The following TBATA variants were observed in gnomAD, a reference collection of about 807,000 sequenced individuals.
TBATA encodes thymus, brain and testes associated, also known as protein TBATA.
Under a neutral mutation model 38.7 loss-of-function variants are expected in TBATA, and 47 were observed. The observed-to-expected ratio is 1.21, with a 90% CI of 0.96 to 1.55. The LOEUF (loss-of-function observed/expected upper bound fraction) is 1.55, where lower values mean the gene tolerates loss of function less well. TBATA is among the 40% of genes most tolerant of loss of function. TBATA has a pLI of 0.00. For synonymous variants in TBATA, 183 were observed against 170.5 expected (o/e 1.07, Z -0.57); for missense variants, 436 against 435.6 (o/e 1.00, Z -0.01).
At chr10:70,779,109 C>T (rs768013529) in intron 5 of TBATA, among the ~76,000 whole-genome samples, 71 of 152,206 alleles carry the variant, frequency 4.7e-4, no homozygotes, top group Non-Finnish European at 9.3e-4. Flanking sequence ...ACTGGCAGCC[C>T]CAGCCCCTTC....
At position 70,775,042 on chromosome 10, in the gene TBATA, T is replaced by C. The variant is rs138667219; in HGVS notation, c.775+147A>G. The C allele has an allele frequency of 1.1e-5, 7 of 640,206 alleles. No individual in the cohort carries two copies. In the East Asian group the frequency reaches 1.1e-4, roughly 10 times the overall value. The allele number at this position is 640,206 out of a possible 1,614,324, so 39.7% of individuals were successfully genotyped here. A position where few individuals can be genotyped will look rare whatever the true frequency, so the allele number is the denominator to read the frequency against. ...TGCTGTCCAGCTGGGAAGGGTTAGT[T>C]TGGGGCTCCAAAGTGGAGGAGAGGC... On this transcript the variant is annotated intron_variant, in intron 8 of 10. Coordinates refer to ENST00000456372, the MANE Select transcript of TBATA (RefSeq NM_001318241.2).
intron 7 of TBATA, chr10:70,776,407 A>G (rs1419959743): frequency 2.2e-6 from 1 of 456,288 alleles, no homozygotes; most frequent in South Asian, 1.5e-5. Context: ...AAAGCACCTT[A>G]GTCCTGGCTA....
chr10:70,783,752 G>A (rs917625839), intron 2 of TBATA, among the ~76,000 whole-genome samples: 1 of 152,156 alleles, frequency 6.6e-6, no homozygotes, highest in Non-Finnish European at 1.5e-5. Context: ...CAGACAATGG[G>A]ATACTTTATT....
At chr10:70,772,906 T>C (rs998222486) in intron 9 of TBATA, among the ~76,000 whole-genome samples, 3 of 152,184 alleles carry the variant, frequency 2.0e-5, no homozygotes, top group Admixed American at 1.3e-4. Context: ...GCTCCACTGG[T>C]TTCCTTGTGG....
At chr10:70,782,448 T>G in intron 3 of TBATA, 1 of 1,293,982 alleles carries the variant, frequency 7.7e-7, no homozygotes, top group African/African-American at 1.5e-5. Flanking sequence ...CAAGCCAGAC[T>G]GTGGACAGCC....
Position 70,783,482 on chromosome 10 carries a change from G to A in TBATA, c.-103C>T. On this transcript the variant is annotated 5_prime_UTR_variant, in exon 3 of 11. Transcript: ENST00000456372. Reference sequence around the variant, plus strand: ...TACTAGTGTTGAGGATGCAGAACAGGAACTCTCACGAACTGGTGGTGGAAG... The same window carrying A: ...TACTAGTGTTGAGGATGCAGAACAGAAACTCTCACGAACTGGTGGTGGAAG... 1.6e-6 allele frequency: 2 copies of A among 1,281,522 alleles called. No individual in the cohort carries two copies. Among genetic ancestry groups the A allele is most frequent in the Non-Finnish European group, 1.1e-6 (1 of 890,212 alleles). The allele number at this position is 1,281,522 out of a possible 1,614,324, so 79.4% of individuals were successfully genotyped here. A position where few individuals can be genotyped will look rare whatever the true frequency, so the allele number is the denominator to read the frequency against.
intron 7 of TBATA, 92 bp downstream of exon 7, chr10:70,777,061 C>T: frequency 7.3e-7 from 1 of 1,373,656 alleles, no homozygotes; most frequent in Non-Finnish European, 9.8e-7. Flanking sequence ...GTCCTAGGCA[C>T]CAGTATCCCT....
intron 9 of TBATA, among the ~76,000 whole-genome samples, chr10:70,773,130 T>C (rs892527564): frequency 4.6e-5 from 7 of 152,150 alleles, no homozygotes; most frequent in Non-Finnish European, 7.3e-5. Context: ...AAGGTCACAG[T>C]GAAGCCTGTC....
chr10:70,779,534 G>A, intron 5 of TBATA, 59 bp downstream of exon 5: 1 of 1,422,172 alleles, frequency 7.0e-7, no homozygotes. Flanking sequence ...CCCAAGTGAG[G>A]CAGCCTTGGG....
intron 3 of TBATA, chr10:70,782,540 C>T (rs1844377100): frequency 1.6e-6 from 2 of 1,260,686 alleles, no homozygotes; most frequent in Non-Finnish European, 2.1e-6. Context: ...GAGGCCAGAG[C>T]TGGAGCTTAG....
intron 5 of TBATA, among the ~76,000 whole-genome samples, chr10:70,779,152 G>T (rs1454405599): frequency 6.6e-6 from 1 of 152,186 alleles, no homozygotes; most frequent in East Asian, 1.9e-4. Flanking sequence ...CACCAAACTG[G>T]CTTCCAGCAC....
At chr10:70,776,208 C>A in intron 7 of TBATA, 1 of 368,552 alleles carries the variant, frequency 2.7e-6, no homozygotes, top group Non-Finnish European at 5.6e-6. Context: ...TGGGCTGGGC[C>A]TCTCCCCAGG....
intron 3 of TBATA, chr10:70,782,333 A>G: frequency 2.1e-6 from 3 of 1,425,498 alleles, no homozygotes; most frequent in Non-Finnish European, 2.8e-6. Flanking sequence ...TGAAACCAGA[A>G]AGAGAAGCTG....
intron 6 of TBATA, among the ~76,000 whole-genome samples, chr10:70,778,180 C>T (rs1043888385): frequency 2.6e-5 from 4 of 152,146 alleles, no homozygotes; most frequent in Non-Finnish European, 4.4e-5. Flanking sequence ...ACAAGCTGCT[C>T]CTCCCCACAT....
At chr10:70,780,874 C>T (rs1006837390) in intron 4 of TBATA, among the ~76,000 whole-genome samples, 1 of 152,202 alleles carries the variant, frequency 6.6e-6, no homozygotes, top group Admixed American at 6.5e-5. Context: ...TCACATATCT[C>T]CAGCATAGAG....
At chr10:70,777,396 G>A (rs1315194934) in intron 6 of TBATA, 58 bp from the exon 7 acceptor site, 48 of 1,500,654 alleles carry the variant, frequency 3.2e-5, no homozygotes, top group Middle Eastern at 2.1e-4. Flanking sequence ...GAAGAGGGCT[G>A]AGGGGAGGAG....
chr10:70,777,864 C>T (rs67979347), intron 6 of TBATA: 36,536 of 441,894 alleles, frequency 0.083, 1,928 homozygotes, highest in African/African-American at 0.18. Context: ...TATCCTTCCC[C>T]CCATTTTAAA....
At chr10:70,775,309 A>G (rs10823619) in intron 7 of TBATA, 39 bp from the exon 8 acceptor site, 205,824 of 1,573,884 alleles carry the variant, frequency 0.13, 14,330 homozygotes, top group Non-Finnish European at 0.14. Context: ...CCAGGAGTAC[A>G]GGCAAGGAGT....
At position 70,775,222 on chromosome 10, in the gene TBATA, T is replaced by C; in HGVS notation, c.742A>G (p.Ile248Val). 1 of 1,614,128 alleles carries C rather than the reference T, an allele frequency of 6.2e-7. No homozygotes were observed. Among genetic ancestry groups the C allele is most frequent in the African/African-American group, 1.3e-5 (1 of 75,048 alleles). ...GGAGCGTAGAGCAGCCAGAACTGGA[T>C]TGCGCTTAGCAAGTCTGTTTCCAGG... Reference protein sequence around the residue: ...RILETDLLSAIQFWLLYAPPK... With the variant: ...RILETDLLSAVQFWLLYAPPK... The change falls in exon 8 of 11, where the codon ATC becomes GTC. Residue 248 changes from isoleucine to valine, a missense_variant. Ile to Val is a conservative substitution (Grantham distance 29). Transcript: ENST00000456372.
Sources: allele counts gnomAD v4.1 joint callset (sites outside exome capture counted in the v4.1 genomes callset), GRCh38; gene constraint gnomAD v4.1.1; transcripts MANE v1.5; gene names NCBI Gene and HGNC (gene_info 2026-07-23, HGNC 2026-07-21).